Variants in OXNAD1 observed in about 807,000 individuals in gnomAD.
OXNAD1 encodes the protein oxidoreductase NAD-binding domain-containing protein 1.
OXNAD1 carries 34 observed loss-of-function variants against 32.9 expected under a neutral mutation model. The ratio of observed to expected loss-of-function variants is 1.03; its 90% confidence interval spans 0.79 to 1.38. The LOEUF is 1.38. Among genes scored for constraint, OXNAD1 ranks in the 40% most tolerant of loss-of-function variants. The probability of loss-of-function intolerance (pLI) is 0.00; values close to 1 mark genes in which losing one functional copy is unlikely to be tolerated. For synonymous variants in OXNAD1, 134 were observed against 135.2 expected (o/e 0.99, Z 0.06); for missense variants, 407 against 379.4 (o/e 1.07, Z -0.60).
At chr3:16,279,017 G>T (rs1193405332) in intron 4 of OXNAD1, among the ~76,000 whole-genome samples, 1 of 152,212 alleles carries the variant, frequency 6.6e-6, no homozygotes, top group African/African-American at 2.4e-5. Flanking sequence ...TCAATTTGAG[G>T]TAGGGGGCAT....
chr3:16,342,123 C>A (rs1229652317), downstream of OXNAD1, among the ~76,000 whole-genome samples: 1 of 152,092 alleles, frequency 6.6e-6, no homozygotes, highest in East Asian at 1.9e-4. The surrounding 1 kb of genome is among the most constrained non-coding windows in gnomAD (Gnocchi z 4.0). Flanking sequence ...GTTATACAAC[C>A]ATCACCACAA....
At position 16,313,205 on chromosome 3, in the gene OXNAD1, A is replaced by ATTTTTTTTTTTTTTTTTTTTTTTTTTT. The variant is rs750491540; in HGVS notation, c.*30+9631_*30+9632insTTTTTTTTTTTTTTTTTTTTTTTTTTT. On this transcript the variant is annotated intron_variant, in intron 9 of 9. Transcript: ENST00000435829. ...GTACATGTACCACCACACCCAGCGG[A>ATTTTTTTTTTTTTTTTTTTTTTTTTTT]TTTTTTTTTTTTTTTTTTGCAGAGG... Among the ~76,000 whole-genome samples the ATTTTTTTTTTTTTTTTTTTTTTTTTTT allele has an allele frequency of 3.9e-5, 4 of 103,806 alleles. 1 individual carries two copies. Among genetic ancestry groups the ATTTTTTTTTTTTTTTTTTTTTTTTTTT allele is most frequent in the African/African-American group, 8.8e-5 (2 of 22,758 alleles). 68.1% of individuals were successfully genotyped at this position (103,806 alleles called of 152,430 possible).
In OXNAD1 at chr3:16,265,966, G is replaced by A. The variant is rs2064465559; in HGVS notation, c.-159+461G>A. The A allele has an allele frequency of 1.1e-6, 1 of 929,376 alleles. No homozygotes were observed. The highest frequency in any genetic ancestry group is 5.0e-5 in the South Asian group (1 of 20,184). 57.6% of individuals were successfully genotyped at this position (929,376 alleles called of 1,614,324 possible). ...CGAAATGCAGATAAAAGGCATTTTT[G>A]TCTTGAAAGCAGTGCTAGTGCCTGT... is the stretch of plus-strand genomic sequence containing the variant. On this transcript the variant is annotated intron_variant, in intron 1 of 8. Coordinates refer to ENST00000285083, the MANE Select transcript of OXNAD1 (RefSeq NM_138381.5). This position sits in a 1 kb window ranked among gnomAD's most constrained non-coding sequence, Gnocchi z 4.8.
Position 16,297,926 on chromosome 3 carries a change from G to A in OXNAD1, c.432+2929G>A, listed in dbSNP as rs1278614806. ...GATTGTTACCCAGATCTATATGTGT[G>A]TTAAAATTCATAGAACCGTATACCA... is the stretch of plus-strand genomic sequence containing the variant. On this transcript the variant is annotated intron_variant, in intron 6 of 8. Transcript: ENST00000285083. The surrounding 1 kb of genome is among the most constrained non-coding windows in gnomAD (Gnocchi z 4.3). Among the ~76,000 whole-genome samples the A allele has an allele frequency of 2.6e-5, 4 of 152,128 alleles. No homozygotes were observed. The highest frequency in any genetic ancestry group is 5.9e-5 in the Non-Finnish European group (4 of 68,030).
At chr3:16,347,792 T>C (rs1230264407) in intron 9 of OXNAD1, 1 of 152,246 alleles carries the variant, frequency 6.6e-6, no homozygotes, top group Admixed American at 6.5e-5. Context: ...CCAATAACTT[T>C]TATCTCGATT....
At chr3:16,341,736 T>C (rs2071332017), downstream of OXNAD1, among the ~76,000 whole-genome samples, 1 of 152,128 alleles carries the variant, frequency 6.6e-6, no homozygotes, top group Non-Finnish European at 1.5e-5. The surrounding 1 kb of genome is among the most constrained non-coding windows in gnomAD (Gnocchi z 4.7). Context: ...TTAAATAAAT[T>C]AAAATTTTTC....
chr3:16,297,448 C>T lies in OXNAD1; in HGVS notation c.432+2451C>T, dbSNP rs1390543597. ...ATCTGGAAAGCATTTTAGCAGTTTT[C>T]TATAAAGTTAAACATACACCTAACA... On this transcript the variant is annotated intron_variant, in intron 6 of 8. Transcript: ENST00000285083. The surrounding 1 kb of genome is among the most constrained non-coding windows in gnomAD (Gnocchi z 4.3). 6.6e-6 allele frequency among the ~76,000 whole-genome samples: 1 copy of T among 152,160 alleles called. No individual in the cohort carries two copies. Among genetic ancestry groups the T allele is most frequent in the African/African-American group, 2.4e-5 (1 of 41,444 alleles).
intron 4 of OXNAD1, among the ~76,000 whole-genome samples, chr3:16,279,834 TGAG>T (rs1272016759): frequency 6.6e-6 from 1 of 152,074 alleles, no homozygotes; most frequent in Non-Finnish European, 1.5e-5. Flanking sequence ...CAGATTGTGT[TGAG>T]GAGAGAATGG....
In OXNAD1 at chr3:16,316,967, C is replaced by A. The variant is rs558609173; in HGVS notation, c.*30+13375C>A. Reference sequence around the variant, plus strand: ...GGCAGGACCATTCTGCACAGCCTCACCCTCCACACCCACCCCACACAGCAG... The same window carrying A: ...GGCAGGACCATTCTGCACAGCCTCAACCTCCACACCCACCCCACACAGCAG... On this transcript the variant is annotated intron_variant, in intron 9 of 9. Transcript: ENST00000435829. The surrounding 1 kb of genome is among the most constrained non-coding windows in gnomAD (Gnocchi z 4.5). 1.2e-6 allele frequency: 2 copies of A among 1,614,042 alleles called. No individual in the cohort carries two copies. The highest frequency in any genetic ancestry group is 2.2e-5 in the South Asian group (2 of 91,076).
Position 16,302,605 on chromosome 3 carries a change from A to T in OXNAD1, c.676-35A>T. The stretch of plus-strand genomic sequence containing the variant: ...GTGCACATCTGTTTTGATTTTTTAA[A>T]ATTGTAGTGTGACCAAATATGTTTG... On this transcript the variant is annotated intron_variant, in intron 7 of 8. Transcript: ENST00000285083. This position sits in a 1 kb window ranked among gnomAD's most constrained non-coding sequence, Gnocchi z 4.2. The T allele has an allele frequency of 6.8e-7, 1 of 1,467,260 alleles. No individual in the cohort carries two copies. The highest frequency in any genetic ancestry group is 9.5e-7 in the Non-Finnish European group (1 of 1,057,790). The allele number at this position is 1,467,260 out of a possible 1,614,324, so 90.9% of individuals were successfully genotyped here.
Position 16,286,413 on chromosome 3 carries a change from T to A in OXNAD1, c.255T>A (p.Val85=). ...CAGTGAAGAGCCTCCGCTTGCTTGTTGCTGATCAAGACTTTTCCTTTAAAG... is the reference window on the plus strand; with the variant it reads ...CAGTGAAGAGCCTCCGCTTGCTTGTAGCTGATCAAGACTTTTCCTTTAAAG... The part of the protein sequence containing the change: ...SPSVKSLRLL[V]ADQDFSFKAG... Residue 85 remains valine (V), a synonymous_variant, in exon 5 of 9, where the codon GTT becomes GTA. Transcript: ENST00000285083. The A allele has an allele frequency of 3.1e-6, 5 of 1,613,954 alleles. No individual in the cohort carries two copies. Among genetic ancestry groups the A allele is most frequent in the Non-Finnish European group, 4.2e-6 (5 of 1,179,858 alleles).
At position 16,290,542 on chromosome 3, in the gene OXNAD1, A is replaced by G. The variant is rs1388595784; in HGVS notation, c.290+4094A>G. On this transcript the variant is annotated intron_variant, in intron 5 of 8. Transcript: ENST00000285083. This position sits in a 1 kb window ranked among gnomAD's most constrained non-coding sequence, Gnocchi z 4.2. The stretch of plus-strand genomic sequence containing the variant: ...GATGAAGCAGCAAAAGTAGCTTATT[A>G]ATGTATTTATTTTTTAAACATGGAA... Among the ~76,000 whole-genome samples, 1 of 152,212 alleles carries G rather than the reference A, an allele frequency of 6.6e-6. No individual in the cohort carries two copies. Among genetic ancestry groups the G allele is most frequent in the Non-Finnish European group, 1.5e-5 (1 of 68,040 alleles).
intron 1 of OXNAD1, among the ~76,000 whole-genome samples, chr3:16,267,414 CCCT>C (rs1480959184): frequency 1.3e-5 from 2 of 152,180 alleles, no homozygotes; most frequent in Non-Finnish European, 2.9e-5. Flanking sequence ...AAAATTCTTA[CCCT>C]TACTATAGAC....
At chr3:16,310,642 T>C (rs545624063), downstream of OXNAD1, among the ~76,000 whole-genome samples, 252 of 152,236 alleles carry the variant, frequency 1.7e-3, 1 homozygote, top group African/African-American at 5.8e-3. Flanking sequence ...ACCAGGGTGG[T>C]TCTCCACCAA....
chr3:16,271,759 A>G lies in OXNAD1; in HGVS notation c.183+37A>G. ...TGGGGTATGACAGGTTTTTCCAGCTAGACCGTTTACATGTGGTTATGACTG... is the reference window on the plus strand; with the variant it reads ...TGGGGTATGACAGGTTTTTCCAGCTGGACCGTTTACATGTGGTTATGACTG... On this transcript the variant is annotated intron_variant, in intron 4 of 8. Coordinates refer to ENST00000285083, the MANE Select transcript of OXNAD1 (RefSeq NM_138381.5). The surrounding 1 kb of genome is among the most constrained non-coding windows in gnomAD (Gnocchi z 4.6). The G allele has an allele frequency of 6.4e-7, 1 of 1,572,014 alleles. No homozygotes were observed. Among genetic ancestry groups the G allele is most frequent in the Non-Finnish European group, 8.7e-7 (1 of 1,153,340 alleles).
At chr3:16,295,046 C>A in intron 6 of OXNAD1, 49 bp downstream of exon 6, 1 of 1,537,984 alleles carries the variant, frequency 6.5e-7, no homozygotes, top group Non-Finnish European at 8.8e-7. Context: ...TCTCTGCCAC[C>A]CACAAAATTT....
At chr3:16,349,893 G>C (rs370404200) in exon 10 of OXNAD1, 1 of 152,204 alleles carries the variant, frequency 6.6e-6, no homozygotes, top group Non-Finnish European at 1.5e-5. Context: ...AGCAGGAGTC[G>C]ATGTTGCAGT....
Position 16,280,815 on chromosome 3 carries a change from G to A in OXNAD1, c.184-5527G>A, listed in dbSNP as rs1357425689. Among the ~76,000 whole-genome samples, 1 of 152,168 alleles carries A rather than the reference G, an allele frequency of 6.6e-6. No individual in the cohort carries two copies. Among genetic ancestry groups the A allele is most frequent in the African/African-American group, 2.4e-5 (1 of 41,432 alleles). On this transcript the variant is annotated intron_variant, in intron 4 of 8. Transcript: ENST00000285083. The surrounding 1 kb of genome is among the most constrained non-coding windows in gnomAD (Gnocchi z 4.5). ...GTGATGGAATTTCCTTTTAGATGCTGACTCTGCCTCAGCATTAAACATGTG... is the reference window on the plus strand; with the variant it reads ...GTGATGGAATTTCCTTTTAGATGCTAACTCTGCCTCAGCATTAAACATGTG...
At chr3:16,283,501 C>T (rs2065886704) in intron 4 of OXNAD1, among the ~76,000 whole-genome samples, 1 of 152,172 alleles carries the variant, frequency 6.6e-6, no homozygotes, top group East Asian at 1.9e-4. Context: ...TTATTCATAT[C>T]AACTGAATGA....
Sources: gnomAD v4.1 joint callset for allele counts (sites outside exome capture counted in the v4.1 genomes callset) on GRCh38, gnomAD v4.1.1 for gene constraint, Gnocchi (gnomAD v3.1) non-coding constraint, MANE v1.5 for transcripts, NCBI Gene and HGNC (gene_info 2026-07-23, HGNC 2026-07-21) for gene names.